Variants in PPARGC1A observed in about 807,000 individuals in gnomAD.
PPARGC1A encodes the protein peroxisome proliferator-activated receptor gamma coactivator 1-alpha.
A neutral mutation model predicts 88.7 loss-of-function variants in PPARGC1A; 25 were observed. The ratio of observed to expected loss-of-function variants is 0.28; its 90% CI spans 0.21 to 0.39. The LOEUF is 0.39. PPARGC1A is among the 10% of genes least tolerant of loss of function. The pLI is 1.00. For missense variants in PPARGC1A, 880 were observed against 968.7 expected (o/e 0.91, Z 1.22); for synonymous variants, 363 against 355.6 (o/e 1.02, Z -0.24).
the PPARGC1A span, among the ~76,000 whole-genome samples, chr4:24,111,653 G>A: frequency 6.6e-6 from 1 of 152,182 alleles, no homozygotes; most frequent in African/African-American, 2.4e-5. Flanking sequence ...AGTAGTAACA[G>A]CCGCAATAAC....
At chr4:24,276,190 C>T in the PPARGC1A span, among the ~76,000 whole-genome samples, 1 of 152,140 alleles carries the variant, frequency 6.6e-6, no homozygotes, top group African/African-American at 2.4e-5. Flanking sequence ...CACCTGAATC[C>T]CTCCAGTAAA....
the PPARGC1A span, among the ~76,000 whole-genome samples, chr4:24,093,906 T>C: frequency 7.9e-5 from 12 of 152,184 alleles, no homozygotes; most frequent in African/African-American, 1.2e-4. Context: ...AGGCACATTA[T>C]TGTCCACCAG....
chr4:24,202,804 G>C, the PPARGC1A span, among the ~76,000 whole-genome samples: 1 of 152,204 alleles, frequency 6.6e-6, no homozygotes, highest in African/African-American at 2.4e-5. Flanking sequence ...TCATTACCTG[G>C]CAACATGAAC....
At chr4:23,861,675 C>CA (rs942260706) in intron 2 of PPARGC1A, among the ~76,000 whole-genome samples, 5 of 150,874 alleles carry the variant, frequency 3.3e-5, no homozygotes, top group African/African-American at 7.3e-5. Flanking sequence ...GGTCCAGAAA[C>CA]AAAAAAAAGG....
At chr4:23,837,274 T>C (rs1726184925) in intron 2 of PPARGC1A, among the ~76,000 whole-genome samples, 1 of 152,088 alleles carries the variant, frequency 6.6e-6, no homozygotes, top group Non-Finnish European at 1.5e-5. Flanking sequence ...TAGAGATCAA[T>C]CTGTGTGAGA....
the PPARGC1A span, among the ~76,000 whole-genome samples, chr4:24,027,011 T>C: frequency 6.6e-6 from 1 of 152,122 alleles, no homozygotes; most frequent in Non-Finnish European, 1.5e-5. Context: ...GTCAGTAATG[T>C]GGTGGAGACA....
chr4:24,221,412 A>G, the PPARGC1A span, among the ~76,000 whole-genome samples: 10 of 152,204 alleles, frequency 6.6e-5, no homozygotes, highest in Admixed American at 2.6e-4. Context: ...ACAACTTGTC[A>G]AAGGTCACAG....
the PPARGC1A span, among the ~76,000 whole-genome samples, chr4:24,021,208 C>G: frequency 1.3e-5 from 2 of 152,186 alleles, no homozygotes; most frequent in Non-Finnish European, 1.5e-5. Flanking sequence ...GTGCAGCTGC[C>G]TCCAGGGGAC....
chr4:23,910,816 TC>T, the PPARGC1A span, among the ~76,000 whole-genome samples: 6 of 78,542 alleles, frequency 7.6e-5, no homozygotes, highest in African/African-American at 6.1e-4. Context: ...TATTGTTATC[TC>T]TTTTTTTCAG....
the PPARGC1A span, among the ~76,000 whole-genome samples, chr4:24,435,411 C>T: frequency 0.019 from 2,845 of 152,308 alleles, 80 homozygotes; most frequent in African/African-American, 0.065. Flanking sequence ...CAAGCTGTTT[C>T]CCCTGCATGG....
the PPARGC1A span, among the ~76,000 whole-genome samples, chr4:24,249,538 T>C: frequency 1.3e-5 from 2 of 152,208 alleles, no homozygotes; most frequent in African/African-American, 4.8e-5. Context: ...TCTCGCGCCA[T>C]GAAGACAGAA....
the PPARGC1A span, among the ~76,000 whole-genome samples, chr4:24,286,477 T>C: frequency 6.6e-6 from 1 of 152,108 alleles, no homozygotes; most frequent in South Asian, 2.1e-4. Context: ...CAAGAGAAGT[T>C]TACCTCCCTG....
the PPARGC1A span, among the ~76,000 whole-genome samples, chr4:24,233,739 A>G: frequency 6.6e-6 from 1 of 152,144 alleles, no homozygotes; most frequent in South Asian, 2.1e-4. Context: ...ATGTGCTTCA[A>G]TGGTCACACA....
the PPARGC1A span, among the ~76,000 whole-genome samples, chr4:24,126,302 C>CACAG: frequency 2.8e-4 from 42 of 150,404 alleles, no homozygotes; most frequent in South Asian, 6.4e-4. Context: ...CACACACACA[C>CACAG]AGTCATTTTT....
At chr4:24,185,835 C>T in the PPARGC1A span, among the ~76,000 whole-genome samples, 4 of 138,160 alleles carry the variant, frequency 2.9e-5, no homozygotes, top group African/African-American at 1.1e-4. Flanking sequence ...CCCCAGCGCA[C>T]CAGCATAGCA....
At chr4:24,124,630 T>C in the PPARGC1A span, among the ~76,000 whole-genome samples, 1 of 152,084 alleles carries the variant, frequency 6.6e-6, no homozygotes, top group Non-Finnish European at 1.5e-5. Flanking sequence ...ACAGGTACAG[T>C]CTTCAAATGA....
intron 2 of PPARGC1A, among the ~76,000 whole-genome samples, chr4:23,872,463 CT>C (rs1281130788): frequency 2.0e-5 from 3 of 152,128 alleles, no homozygotes; most frequent in Admixed American, 2.0e-4. Flanking sequence ...TGGGACAGAT[CT>C]TGGTTTGGAA....
At chr4:24,196,320 A>G in the PPARGC1A span, among the ~76,000 whole-genome samples, 4 of 152,236 alleles carry the variant, frequency 2.6e-5, no homozygotes, top group Admixed American at 1.3e-4. Context: ...GGAGAAAGAA[A>G]TGCATGCTTT....
chr4:24,328,202 C>T, the PPARGC1A span, among the ~76,000 whole-genome samples: 21 of 151,940 alleles, frequency 1.4e-4, no homozygotes, highest in African/African-American at 4.1e-4. Context: ...TTCACACGGA[C>T]GCGCATGAAA....
Sources: gnomAD v4.1 joint callset for allele counts (sites outside exome capture counted in the v4.1 genomes callset) on GRCh38, gnomAD v4.1.1 for gene constraint, MANE v1.5 for transcripts, NCBI Gene and HGNC (gene_info 2026-07-23, HGNC 2026-07-21) for gene names.